Variants in PTN observed in about 807,000 individuals in gnomAD.
PTN encodes the protein heparin affin regulatory protein.
Under a neutral mutation model 24.1 loss-of-function variants are expected in PTN, and 18 were observed. The ratio of observed to expected loss-of-function variants is 0.75; its 90% confidence interval spans 0.52 to 1.11. PTN has a LOEUF of 1.11. Among genes scored for constraint, PTN ranks in the 50% least tolerant of loss-of-function variants. The pLI, the probability that PTN is intolerant of heterozygous loss-of-function variation, is 0.00. For synonymous variants in PTN, 78 were observed against 68.6 expected (o/e 1.14, Z -0.67); for missense variants, 163 against 198.8 (o/e 0.82, Z 1.08).
chr7:137,332,708 A>G (rs1430979578), intron 1 of PTN, among the ~76,000 whole-genome samples: 3 of 152,150 alleles, frequency 2.0e-5, no homozygotes, highest in African/African-American at 7.2e-5. Context: ...TTTTTTTTGT[A>G]ATAAATATTT....
Position 137,266,625 on chromosome 7 carries a change from C to T in PTN, c.-1-11651G>A, listed in dbSNP as rs866756872. Among the ~76,000 whole-genome samples the T allele has an allele frequency of 4.7e-5, 7 of 149,964 alleles. No homozygotes were observed. The South Asian group carries it at 1.3e-3, about 27-fold the overall frequency. On this transcript the variant is annotated intron_variant, in intron 1 of 4. Transcript: ENST00000348225. ...TCTTTTTACATAAATTCTGCCTCCCCTTTTTTTTCCTTTTTTTTTGAAGAT... is the reference window on the plus strand; with the variant it reads ...TCTTTTTACATAAATTCTGCCTCCCTTTTTTTTTCCTTTTTTTTTGAAGAT...
At chr7:137,319,020 A>G (rs1315839505) in intron 1 of PTN, among the ~76,000 whole-genome samples, 2 of 151,992 alleles carry the variant, frequency 1.3e-5, no homozygotes, top group Non-Finnish European at 2.9e-5. Flanking sequence ...TTTCTGATCC[A>G]TCTATCTTTC....
At chr7:137,229,375 G>T (rs1808390041) in intron 4 of PTN, among the ~76,000 whole-genome samples, 1 of 151,762 alleles carries the variant, frequency 6.6e-6, no homozygotes, top group African/African-American at 2.4e-5. Context: ...GGAGCATACA[G>T]CCTGTGTCCA....
chr7:137,245,103 G>A (rs1468436937), intron 4 of PTN, among the ~76,000 whole-genome samples: 3 of 152,112 alleles, frequency 2.0e-5, no homozygotes, highest in Non-Finnish European at 2.9e-5. Flanking sequence ...GAAACCAAGT[G>A]GTTTGCATAT....
chr7:137,316,572 C>T (rs1486476616), intron 1 of PTN, among the ~76,000 whole-genome samples: 2 of 152,320 alleles, frequency 1.3e-5, no homozygotes, highest in Admixed American at 6.5e-5. Flanking sequence ...TCATGCCTTT[C>T]AAACAGGAGG....
Position 137,312,386 on chromosome 7 carries a change from C to A in PTN, c.-2+31053G>T, listed in dbSNP as rs113559806. On this transcript the variant is annotated intron_variant, in intron 1 of 4. Transcript: ENST00000348225. The stretch of plus-strand genomic sequence containing the variant: ...CAGGTAAATGAGACAAGGAACTAAG[C>A]AGTGGGAGCCTACTAAAATGAGAAA... 3.8e-3 allele frequency among the ~76,000 whole-genome samples: 572 copies of A among 152,300 alleles called. 3 individuals carry two copies. Among genetic ancestry groups the A allele is most frequent in the African/African-American group, 0.013 (526 of 41,560 alleles).
At chr7:137,300,099 G>A (rs17169061) in intron 1 of PTN, among the ~76,000 whole-genome samples, 6,945 of 151,650 alleles carry the variant, frequency 0.046, 273 homozygotes, top group African/African-American at 0.11. Context: ...TTTCTTTCTC[G>A]GTGGGTAGAT....
chr7:137,291,463 G>T lies in PTN; in HGVS notation c.-1-36489C>A, dbSNP rs185032486. Among the ~76,000 whole-genome samples the T allele has an allele frequency of 5.3e-4, 80 of 152,180 alleles. No homozygotes were observed. The East Asian group carries it at 0.012, about 22-fold the overall frequency. On this transcript the variant is annotated intron_variant, in intron 1 of 4. Coordinates refer to ENST00000348225, the MANE Select transcript of PTN (RefSeq NM_002825.7). The stretch of plus-strand genomic sequence containing the variant: ...TTATGAAAGTTGAGAATTAAATGTA[G>T]AGCAAGGCTCACATCTTCATCAAAT...
At chr7:137,292,592 T>C (rs999092162) in intron 1 of PTN, among the ~76,000 whole-genome samples, 1 of 152,190 alleles carries the variant, frequency 6.6e-6, no homozygotes, top group Admixed American at 6.5e-5. Flanking sequence ...CTTTCCTTTA[T>C]AAATTACCCA....
At chr7:137,236,125 A>G in intron 4 of PTN, 1 of 700,820 alleles carries the variant, frequency 1.4e-6, no homozygotes, top group Middle Eastern at 2.3e-4. Context: ...TATGTCAGTT[A>G]TTTTTCAAAT....
chr7:137,281,253 CAA>C (rs776816443), intron 1 of PTN, among the ~76,000 whole-genome samples: 1 of 127,716 alleles, frequency 7.8e-6, no homozygotes, highest in African/African-American at 2.9e-5. Context: ...TGGTATCACT[CAA>C]AAAAAAAAAA....
chr7:137,318,930 C>T (rs1199867110), intron 1 of PTN: 1 of 152,188 alleles, frequency 6.6e-6, no homozygotes, highest in African/African-American at 2.4e-5. Flanking sequence ...TCACCAACAC[C>T]AAGATTCTTT....
chr7:137,310,409 T>C (rs1431332862), intron 1 of PTN, among the ~76,000 whole-genome samples: 1 of 150,524 alleles, frequency 6.6e-6, no homozygotes, highest in Non-Finnish European at 1.5e-5. Flanking sequence ...TTTTTGTTTT[T>C]TTTTTTTTTG....
Position 137,343,545 on chromosome 7 carries a change from C to T in PTN, c.-108G>A, listed in dbSNP as rs549935263. The T allele has an allele frequency of 2.3e-5, 12 of 518,976 alleles. No individual in the cohort carries two copies. The highest frequency in any genetic ancestry group is 6.4e-4 in the Middle Eastern group (2 of 3,146). 32.1% of individuals were successfully genotyped at this position (518,976 alleles called of 1,614,324 possible). On this transcript the variant is annotated 5_prime_UTR_variant, in exon 1 of 5. Coordinates refer to ENST00000348225, the MANE Select transcript of PTN (RefSeq NM_002825.7). ...CGGCTCGCTGCAGCTCCTGCTTGGG[C>T]CGCTGCTGCTCTCCCCGCCTTCTGG...
rs952582456 is a variant in PTN at position 137,265,228 on chromosome 7, T to C, written c.-1-10254A>G. On this transcript the variant is annotated intron_variant, in intron 1 of 4. Transcript: ENST00000348225. ...TCGTGGGACTCCAACTGCGTCTAAA[T>C]GGACAGGAGAGTCGAAAGACCTATA... Among the ~76,000 whole-genome samples, 8 of 152,340 alleles carry C rather than the reference T, an allele frequency of 5.3e-5. 1 individual carries two copies. The highest frequency in any genetic ancestry group is 1.7e-4 in the African/African-American group (7 of 41,586).
intron 1 of PTN, among the ~76,000 whole-genome samples, chr7:137,298,611 G>T (rs1227860776): frequency 6.6e-6 from 1 of 151,886 alleles, no homozygotes; most frequent in East Asian, 1.9e-4. Context: ...TGTTTCCATA[G>T]AGGCTCTACT....
chr7:137,237,555 A>G (rs1346868671), intron 4 of PTN, among the ~76,000 whole-genome samples: 1 of 152,176 alleles, frequency 6.6e-6, no homozygotes, highest in Non-Finnish European at 1.5e-5. Context: ...AGAATTAAAT[A>G]ATTTTTAAAT....
At chr7:137,229,502 T>C (rs899328552) in intron 4 of PTN, among the ~76,000 whole-genome samples, 1 of 151,806 alleles carries the variant, frequency 6.6e-6, no homozygotes, top group Non-Finnish European at 1.5e-5. Flanking sequence ...CTATATACTA[T>C]CTTCATGACC....
At chr7:137,332,321 T>C (rs1477663491) in intron 1 of PTN, among the ~76,000 whole-genome samples, 2 of 152,194 alleles carry the variant, frequency 1.3e-5, no homozygotes, top group Non-Finnish European at 2.9e-5. Context: ...TGTATTTTTC[T>C]AGAATGGGAA....
Sources: allele counts gnomAD v4.1 joint callset (sites outside exome capture counted in the v4.1 genomes callset), GRCh38; gene constraint gnomAD v4.1.1; transcripts MANE v1.5; gene names NCBI Gene and HGNC (gene_info 2026-07-23, HGNC 2026-07-21).